The following FAM241A variants were observed in gnomAD, a reference collection of about 807,000 sequenced individuals.
FAM241A encodes the protein uncharacterized protein FAM241A.
A neutral mutation model predicts 12.2 loss-of-function variants in FAM241A; 7 were observed. The observed-to-expected ratio is 0.58, with a 90% CI of 0.33 to 1.08. The LOEUF (loss-of-function observed/expected upper bound fraction) is 1.08, where lower values mean the gene tolerates loss of function less well. Among genes scored for constraint, FAM241A ranks in the 50% least tolerant of loss-of-function variants. The probability of loss-of-function intolerance (pLI) is 0.04; values close to 1 mark genes in which losing one functional copy is unlikely to be tolerated. For synonymous variants in FAM241A, 74 were observed against 68.2 expected (o/e 1.08, Z -0.42); for missense variants, 161 against 169.7 (o/e 0.95, Z 0.29).
At chr4:112,168,785 C>G (rs1723652625) in intron 1 of FAM241A, among the ~76,000 whole-genome samples, 1 of 152,236 alleles carries the variant, frequency 6.6e-6, no homozygotes, top group East Asian at 1.9e-4. Context: ...CCACCTCAGC[C>G]TTCCAAGTAG....
chr4:112,147,586 A>G (rs561797943), intron 1 of FAM241A, among the ~76,000 whole-genome samples: 151 of 152,306 alleles, frequency 9.9e-4, no homozygotes, highest in African/African-American at 3.4e-3. Flanking sequence ...CCATGTAATG[A>G]TGGTAGAAAT....
chr4:112,173,760 C>T (rs1723769322), intron 1 of FAM241A, among the ~76,000 whole-genome samples: 1 of 152,054 alleles, frequency 6.6e-6, no homozygotes. Flanking sequence ...AACTAGCTAC[C>T]TACCATACAG....
At chr4:112,168,768 G>A (rs1434971652) in intron 1 of FAM241A, among the ~76,000 whole-genome samples, 4 of 152,028 alleles carry the variant, frequency 2.6e-5, no homozygotes, top group African/African-American at 7.2e-5. Context: ...GGATTCAAGC[G>A]ATTCTCCCAC....
intron 1 of FAM241A, among the ~76,000 whole-genome samples, chr4:112,170,916 T>C (rs969016916): frequency 6.6e-6 from 1 of 151,144 alleles, no homozygotes; most frequent in South Asian, 2.1e-4. Context: ...ACTTTTGAAG[T>C]GCTCAATGTG....
intron 1 of FAM241A, among the ~76,000 whole-genome samples, chr4:112,151,569 A>G (rs1723245614): frequency 6.6e-6 from 1 of 152,204 alleles, no homozygotes; most frequent in Non-Finnish European, 1.5e-5. Flanking sequence ...GCATCTCTAC[A>G]AACTCCTAAG....
At position 112,186,743 on chromosome 4, in the gene FAM241A, C is replaced by T. The variant is rs1160476500; in HGVS notation, c.204C>T (p.Tyr68=). Residue 68 remains tyrosine (Y), a synonymous_variant, in exon 2 of 2, where the codon TAC becomes TAT. Transcript: ENST00000309733. ...NHTGEPVGDD[Y]KKMGTLFGEL... ...CTGGTGAGCCGGTTGGAGATGACTA[C>T]AAGAAAATGGGAACACTTTTTGGTG... 1.2e-6 allele frequency: 2 copies of T among 1,612,024 alleles called. No homozygotes were observed. Among genetic ancestry groups the T allele is most frequent in the Non-Finnish European group, 1.7e-6 (2 of 1,179,492 alleles).
At chr4:112,151,430 G>A (rs918139872) in intron 1 of FAM241A, among the ~76,000 whole-genome samples, 1 of 152,158 alleles carries the variant, frequency 6.6e-6, no homozygotes, top group African/African-American at 2.4e-5. Flanking sequence ...GTGCTATATT[G>A]TCTGTGTCTG....
intron 1 of FAM241A, among the ~76,000 whole-genome samples, chr4:112,180,673 G>A (rs1723917163): frequency 6.6e-6 from 1 of 151,992 alleles, no homozygotes; most frequent in South Asian, 2.1e-4. Flanking sequence ...TTTCACTGTA[G>A]TCAGAGGAAA....
intron 1 of FAM241A, among the ~76,000 whole-genome samples, chr4:112,169,436 AAG>A (rs1209529726): frequency 6.6e-6 from 1 of 152,240 alleles, no homozygotes; most frequent in Non-Finnish European, 1.5e-5. Context: ...GTGCATGAAT[AAG>A]AGGATTTGGG....
chr4:112,181,326 C>CA (rs61327022), intron 1 of FAM241A, among the ~76,000 whole-genome samples: 15,799 of 140,846 alleles, frequency 0.11, 1,165 homozygotes, highest in East Asian at 0.35. Flanking sequence ...TTGGTTTGGC[C>CA]AAAAAAAAAA....
At chr4:112,170,259 C>T (rs1390050046) in intron 1 of FAM241A, among the ~76,000 whole-genome samples, 1 of 152,140 alleles carries the variant, frequency 6.6e-6, no homozygotes, top group Non-Finnish European at 1.5e-5. Flanking sequence ...AGTAGTCCCC[C>T]CTTATCCACA....
chr4:112,167,673 A>T (rs371716784), intron 1 of FAM241A, among the ~76,000 whole-genome samples: 17 of 152,348 alleles, frequency 1.1e-4, no homozygotes, highest in East Asian at 1.9e-4. Flanking sequence ...GCAGTGTTTT[A>T]TATGGTAATT....
intron 1 of FAM241A, among the ~76,000 whole-genome samples, chr4:112,165,379 A>G (rs952047649): frequency 6.6e-6 from 1 of 152,214 alleles, no homozygotes; most frequent in African/African-American, 2.4e-5. Context: ...GAGCTTCCAT[A>G]TAGCCTAGCA....
Position 112,192,765 on chromosome 4 carries a change from G to A in FAM241A, c.*5827G>A. The stretch of plus-strand genomic sequence containing the variant: ...CTATCATTGTTGGACATTTGGGTTG[G>A]TTCCAAGTCTTTGCTATTGTGAATA... On this transcript the variant is annotated 3_prime_UTR_variant, in exon 2 of 2. Transcript: ENST00000309733. The A allele has an allele frequency of 6.6e-6, 1 of 151,094 alleles. No individual in the cohort carries two copies. Among genetic ancestry groups the A allele is most frequent in the Non-Finnish European group, 1.5e-5 (1 of 67,672 alleles). The allele number at this position is 151,094 out of a possible 1,614,324, so 9.4% of individuals were successfully genotyped here. A position where few individuals can be genotyped will look rare whatever the true frequency, so the allele number is the denominator to read the frequency against.
rs973596511 is a variant in FAM241A at position 112,188,584 on chromosome 4, A to G, written c.*1646A>G. On this transcript the variant is annotated 3_prime_UTR_variant, in exon 2 of 2. Coordinates refer to ENST00000309733, the MANE Select transcript of FAM241A (RefSeq NM_152400.3). ...TTATAGTAGCCTTTATGAACTCAGTATAAGTGCAAGTTGTTTGAAAAGGTG... is the reference window on the plus strand; with the variant it reads ...TTATAGTAGCCTTTATGAACTCAGTGTAAGTGCAAGTTGTTTGAAAAGGTG... The G allele has an allele frequency of 2.0e-5, 3 of 152,184 alleles. No homozygotes were observed. The highest frequency in any genetic ancestry group is 7.2e-5 in the African/African-American group (3 of 41,458). 9.4% of individuals were successfully genotyped at this position (152,184 alleles called of 1,614,324 possible).
In FAM241A at chr4:112,189,121, C is replaced by T. The variant is rs1222961171; in HGVS notation, c.*2183C>T. 6.6e-6 allele frequency: 1 copy of T among 152,012 alleles called. No individual in the cohort carries two copies. The highest frequency in any genetic ancestry group is 1.5e-5 in the Non-Finnish European group (1 of 68,018). The allele number at this position is 152,012 out of a possible 1,614,324, so 9.4% of individuals were successfully genotyped here. On this transcript the variant is annotated 3_prime_UTR_variant, in exon 2 of 2. Coordinates refer to ENST00000309733, the MANE Select transcript of FAM241A (RefSeq NM_152400.3). ...TTAGATTGGGCCGGGCGCGGTGGCT[C>T]ACGCCTGTAATCCTAGCACTTTGGG...
chr4:112,177,489 G>A (rs1723846561), intron 1 of FAM241A, among the ~76,000 whole-genome samples: 1 of 152,010 alleles, frequency 6.6e-6, no homozygotes. Context: ...ACTAAGTATA[G>A]GTCAGTGTCC....
At chr4:112,162,280 A>G (rs958840487) in intron 1 of FAM241A, among the ~76,000 whole-genome samples, 6 of 152,192 alleles carry the variant, frequency 3.9e-5, no homozygotes, top group African/African-American at 1.2e-4. Flanking sequence ...CACCACTCCT[A>G]TTCAACATAC....
At position 112,145,516 on chromosome 4, in the gene FAM241A, G is replaced by T. The variant is rs1296732233; in HGVS notation, c.-65G>T. The T allele has an allele frequency of 1.7e-6, 2 of 1,199,076 alleles. No individual in the cohort carries two copies. Among genetic ancestry groups the T allele is most frequent in the Non-Finnish European group, 2.1e-6 (2 of 964,500 alleles). The allele number at this position is 1,199,076 out of a possible 1,614,324, so 74.3% of individuals were successfully genotyped here. ...CCCAGGGCAGCCTTCGGGCGGCGGC[G>T]CTGCCTGGTGCGTCGCGGCGTGGTC... is the stretch of plus-strand genomic sequence containing the variant. On this transcript the variant is annotated 5_prime_UTR_variant, in exon 1 of 2. Transcript: ENST00000309733.
Sources: allele counts gnomAD v4.1 joint callset (sites outside exome capture counted in the v4.1 genomes callset), GRCh38; gene constraint gnomAD v4.1.1; transcripts MANE v1.5; gene names NCBI Gene and HGNC (gene_info 2026-07-23, HGNC 2026-07-21).